Variants in OCA2 observed in about 807,000 individuals in gnomAD.
OCA2 encodes OCA2 melanosomal transmembrane protein, also known as P protein.
OCA2 carries 77 observed loss-of-function variants against 100.2 expected under a neutral mutation model. That is an observed-to-expected ratio of 0.77 (90% confidence interval 0.64 to 0.93). The LOEUF (loss-of-function observed/expected upper bound fraction) is 0.93. OCA2 is among the 40% of genes least tolerant of loss of function. The pLI is 0.00. For missense variants in OCA2, 1,062 were observed against 1,089.1 expected (o/e 0.98, Z 0.35); for synonymous variants, 432 against 439.2 (o/e 0.98, Z 0.21).
chr15:27,747,925 G>C, the OCA2 span, among the ~76,000 whole-genome samples: 8 of 152,248 alleles, frequency 5.3e-5, no homozygotes, highest in South Asian at 1.2e-3. Context: ...CTGAAACGTG[G>C]ATGAGGAGGG....
At chr15:28,070,317 G>A (rs1420346350) in intron 2 of OCA2, among the ~76,000 whole-genome samples, 9 of 144,416 alleles carry the variant, frequency 6.2e-5, no homozygotes, top group Non-Finnish European at 3.0e-5. Flanking sequence ...AGGTGGGGGG[G>A]GGTCAGCCCC....
Position 28,014,773 on chromosome 15 carries a change from T to C in OCA2, c.1044+3A>G, listed in dbSNP as rs2042336012. 4 of 1,612,370 alleles carry C rather than the reference T, an allele frequency of 2.5e-6. No individual in the cohort carries two copies. The highest frequency in any genetic ancestry group is 1.3e-5 in the African/African-American group (1 of 74,880). On this transcript the variant is annotated splice_donor_region_variant and intron_variant, in intron 9 of 23. Coordinates refer to ENST00000354638, the MANE Select transcript of OCA2 (RefSeq NM_000275.3). Reference sequence around the variant, plus strand: ...AGATCGGGGGAGCAGGTGTGAAAGTTACCTCAAATATGATCAGCGCGTAGA... The same window carrying C: ...AGATCGGGGGAGCAGGTGTGAAAGTCACCTCAAATATGATCAGCGCGTAGA...
At chr15:27,931,784 G>A (rs1276981815) in intron 18 of OCA2, among the ~76,000 whole-genome samples, 1 of 152,228 alleles carries the variant, frequency 6.6e-6, no homozygotes, top group Non-Finnish European at 1.5e-5. Flanking sequence ...TATAGAATTT[G>A]AAGAGGTATC....
intron 1 of OCA2, among the ~76,000 whole-genome samples, chr15:28,094,117 C>A (rs1232886871): frequency 6.6e-6 from 1 of 152,234 alleles, no homozygotes; most frequent in South Asian, 2.1e-4. Context: ...ATCCCACAGC[C>A]TGTCCCTTAG....
chr15:28,051,336 A>G (rs563898768), intron 2 of OCA2, among the ~76,000 whole-genome samples: 3 of 152,316 alleles, frequency 2.0e-5, no homozygotes, highest in South Asian at 4.1e-4. Context: ...CTTGTCACTC[A>G]GGCTGGAGTG....
At chr15:28,041,708 C>A (rs2043206362) in intron 2 of OCA2, among the ~76,000 whole-genome samples, 1 of 152,132 alleles carries the variant, frequency 6.6e-6, no homozygotes, top group Admixed American at 6.5e-5. Context: ...ATGGTATATT[C>A]ACACAATGGA....
At chr15:27,856,381 GA>G (rs2035948421) in intron 21 of OCA2, among the ~76,000 whole-genome samples, 1 of 152,130 alleles carries the variant, frequency 6.6e-6, no homozygotes, top group Non-Finnish European at 1.5e-5. Flanking sequence ...GCAACCACAG[GA>G]AAGACTGATA....
intron 22 of OCA2, among the ~76,000 whole-genome samples, chr15:27,851,117 C>T (rs141376522): frequency 1.6e-4 from 24 of 152,300 alleles, no homozygotes; most frequent in Admixed American, 3.9e-4. Flanking sequence ...CACAGGCACA[C>T]GGCGGGAACA....
At chr15:28,035,291 A>ATATT (rs1446588023) in intron 2 of OCA2, among the ~76,000 whole-genome samples, 1 of 152,236 alleles carries the variant, frequency 6.6e-6, no homozygotes, top group African/African-American at 2.4e-5. Flanking sequence ...AAATCCAAAA[A>ATATT]TAAAATGAGT....
intron 9 of OCA2, among the ~76,000 whole-genome samples, chr15:28,012,678 T>C (rs1020629595): frequency 6.6e-6 from 1 of 152,230 alleles, no homozygotes; most frequent in African/African-American, 2.4e-5. Context: ...ATACTAACCA[T>C]TAATTAATGA....
At chr15:28,004,048 G>A (rs118101773) in intron 9 of OCA2, among the ~76,000 whole-genome samples, 6,194 of 152,326 alleles carry the variant, frequency 0.041, 218 homozygotes, top group South Asian at 0.13. Flanking sequence ...GGCCCCACAG[G>A]TCTGCAAGAC....
At chr15:27,746,468 AAATAAAT>A in the OCA2 span, among the ~76,000 whole-genome samples, 9 of 8,782 alleles carry the variant, frequency 1.0e-3, no homozygotes, top group African/African-American at 6.4e-3. Flanking sequence ...ATTAAAAAAT[AAATAAAT>A]AAATAAATAA....
At chr15:27,858,782 T>C (rs1488425817) in intron 21 of OCA2, among the ~76,000 whole-genome samples, 1 of 152,116 alleles carries the variant, frequency 6.6e-6, no homozygotes, top group Non-Finnish European at 1.5e-5. Context: ...TTCCCCAAGA[T>C]AGACCACATG....
chr15:27,782,041 TGAA>T (rs1006516878), intron 23 of OCA2, among the ~76,000 whole-genome samples: 13 of 152,356 alleles, frequency 8.5e-5, no homozygotes, highest in African/African-American at 3.1e-4. Context: ...CATTTTATTT[TGAA>T]GAAGAACTGG....
chr15:28,012,060 T>C (rs1381705551), intron 9 of OCA2, among the ~76,000 whole-genome samples: 1 of 150,676 alleles, frequency 6.6e-6, no homozygotes, highest in African/African-American at 2.4e-5. Flanking sequence ...TGTATATCTA[T>C]AATATATAAA....
chr15:27,968,115 T>C (rs2040639954), intron 14 of OCA2, among the ~76,000 whole-genome samples: 1 of 152,230 alleles, frequency 6.6e-6, no homozygotes, highest in Non-Finnish European at 1.5e-5. Context: ...ACAGACGTCC[T>C]GGAGTAAGTC....
intron 18 of OCA2, among the ~76,000 whole-genome samples, chr15:27,945,515 C>T (rs2039802550): frequency 6.6e-6 from 1 of 152,190 alleles, no homozygotes; most frequent in African/African-American, 2.4e-5. Context: ...CATCCGGACC[C>T]TTCCTCCTTC....
At chr15:28,055,161 G>T (rs1449147727) in intron 2 of OCA2, among the ~76,000 whole-genome samples, 3 of 152,200 alleles carry the variant, frequency 2.0e-5, no homozygotes, top group Admixed American at 6.5e-5. Context: ...AGTTGTCTAA[G>T]AGGTTGGGTT....
chr15:27,918,830 T>C (rs1183143170), intron 19 of OCA2, among the ~76,000 whole-genome samples: 4 of 152,136 alleles, frequency 2.6e-5, no homozygotes, highest in Non-Finnish European at 5.9e-5. Flanking sequence ...ATACTTATCA[T>C]TGGGATACTG....
Sources: allele counts gnomAD v4.1 joint callset (sites outside exome capture counted in the v4.1 genomes callset), GRCh38; gene constraint gnomAD v4.1.1; transcripts MANE v1.5; gene names NCBI Gene and HGNC (gene_info 2026-07-23, HGNC 2026-07-21).